ADAMTS19: variants seen among roughly 807,000 people sequenced by gnomAD.
The protein encoded by ADAMTS19 is A disintegrin and metalloproteinase with thrombospondin motifs 19.
A neutral mutation model predicts 153.3 loss-of-function variants in ADAMTS19; 93 were observed. The observed-to-expected ratio is 0.61, with a 90% confidence interval of 0.51 to 0.72. The LOEUF is 0.72. Among genes scored for constraint, ADAMTS19 ranks in the 30% least tolerant of loss-of-function variants. The pLI is 0.00. For synonymous variants in ADAMTS19, 600 were observed against 556.6 expected (o/e 1.08, Z -1.10); for missense variants, 1,482 against 1,552.1 (o/e 0.95, Z 0.76).
rs186630525 is a variant in ADAMTS19 at position 129,704,031 on chromosome 5, A to G, written c.3160-208A>G. On this transcript the variant is annotated intron_variant, in intron 20 of 22. Transcript: ENST00000274487. ...TGGCTCAGTATTTCTGAAACCACTT[A>G]TCTCCAGCATTGTGCCTTAAGCTCC... Among the ~76,000 whole-genome samples, 98 of 152,314 alleles carry G rather than the reference A, an allele frequency of 6.4e-4. 1 individual carries two copies. The highest frequency in any genetic ancestry group is 1.2e-4 in the Non-Finnish European group (8 of 68,028).
At chr5:129,623,048 CATGTAA>C (rs1395802665) in intron 10 of ADAMTS19, among the ~76,000 whole-genome samples, 1 of 151,926 alleles carries the variant, frequency 6.6e-6, no homozygotes, top group Non-Finnish European at 1.5e-5. Context: ...ATAATATGAA[CATGTAA>C]TTGTGGAGGA....
intron 16 of ADAMTS19, among the ~76,000 whole-genome samples, chr5:129,669,160 T>C (rs1754188010): frequency 6.6e-6 from 1 of 152,052 alleles, no homozygotes; most frequent in African/African-American, 2.4e-5. Flanking sequence ...GACAGTCTTT[T>C]TCTCCGGTGG....
chr5:129,640,940 T>C (rs767382600), intron 10 of ADAMTS19, among the ~76,000 whole-genome samples: 1 of 152,138 alleles, frequency 6.6e-6, no homozygotes, highest in Non-Finnish European at 1.5e-5. Context: ...TTCTCGTGCC[T>C]CAGCCTCCTG....
Position 129,551,331 on chromosome 5 carries a change from AAATAT to A in ADAMTS19, c.1329-532_1329-528del, listed in dbSNP as rs573042237. ...TTTCAGATAAAGAGTAAAAATTATA[AAATAT>A]TATACATAGATCCCATTTATGTAAA... is the stretch of plus-strand genomic sequence containing the variant. On this transcript the variant is annotated intron_variant, in intron 6 of 22. Transcript: ENST00000274487. 7.2e-5 allele frequency among the ~76,000 whole-genome samples: 11 copies of A among 151,834 alleles called. No individual in the cohort carries two copies. The South Asian group carries it at 2.3e-3, about 32-fold the overall frequency.
At chr5:129,593,179 G>A (rs1750225081) in intron 7 of ADAMTS19, among the ~76,000 whole-genome samples, 1 of 152,054 alleles carries the variant, frequency 6.6e-6, no homozygotes, top group Non-Finnish European at 1.5e-5. Flanking sequence ...CCCCACTGGT[G>A]CTTCTAAACC....
At chr5:129,676,083 A>C (rs1313330121) in intron 16 of ADAMTS19, among the ~76,000 whole-genome samples, 1 of 151,862 alleles carries the variant, frequency 6.6e-6, no homozygotes, top group Non-Finnish European at 1.5e-5. Context: ...AAATTCTGTC[A>C]TCTCTATTAT....
At chr5:129,595,713 A>G (rs1450254248) in intron 7 of ADAMTS19, among the ~76,000 whole-genome samples, 1 of 152,088 alleles carries the variant, frequency 6.6e-6, no homozygotes, top group Admixed American at 6.5e-5. Context: ...TTTTATGAGG[A>G]TATGGGAAAT....
intron 3 of ADAMTS19, among the ~76,000 whole-genome samples, chr5:129,509,934 G>T (rs1398029215): frequency 6.6e-6 from 1 of 151,772 alleles, no homozygotes; most frequent in African/African-American, 2.4e-5. Context: ...TGAGGAAAAT[G>T]AATGAATTCT....
chr5:129,484,037 A>G (rs12186944), intron 2 of ADAMTS19, among the ~76,000 whole-genome samples: 24,864 of 152,132 alleles, frequency 0.16, 2,869 homozygotes, highest in African/African-American at 0.32. Flanking sequence ...ATCTTTATCC[A>G]TAGTGAATAT....
rs769515897 is a variant in ADAMTS19, at chr5:129,654,299, T to C, written c.2177-7T>C. 1 of 1,602,942 alleles carries C rather than the reference T, an allele frequency of 6.2e-7. No individual in the cohort carries two copies. Among genetic ancestry groups the C allele is most frequent in the East Asian group, 2.2e-5 (1 of 44,832 alleles). On this transcript the variant is annotated splice_region_variant and splice_polypyrimidine_tract_variant and intron_variant, in intron 13 of 22. Transcript: ENST00000274487. ...TTCTCATTTCTTTTTATCTACTCTG[T>C]ATGTAGAAAAACCATGTGCCTTGTT...
intron 7 of ADAMTS19, among the ~76,000 whole-genome samples, chr5:129,561,861 TATCTA>T (rs1753536863): frequency 6.6e-6 from 1 of 151,668 alleles, no homozygotes; most frequent in South Asian, 2.1e-4. Flanking sequence ...TCTATCTATC[TATCTA>T]ATCTATCTGT....
intron 7 of ADAMTS19, among the ~76,000 whole-genome samples, chr5:129,568,869 T>TA (rs1753802988): frequency 6.6e-6 from 1 of 151,182 alleles, no homozygotes; most frequent in Non-Finnish European, 1.5e-5. Context: ...GAAAAAATAT[T>TA]CAAAAAAAAT....
rs1276438744 is a variant in ADAMTS19, at chr5:129,500,115, A to G, written c.748-8962A>G. Among the ~76,000 whole-genome samples, 15 of 152,128 alleles carry G rather than the reference A, an allele frequency of 9.9e-5. 1 individual carries two copies. Among genetic ancestry groups the G allele is most frequent in the Admixed American group, 9.8e-4 (15 of 15,248 alleles). ...TCAAGTATTTATTATATAATCATCA[A>G]ACTGTCAAAATTCACATAAAGTTAA... On this transcript the variant is annotated intron_variant, in intron 2 of 22. Coordinates refer to ENST00000274487, the MANE Select transcript of ADAMTS19 (RefSeq NM_133638.6).
At chr5:129,650,386 GC>G (rs1198192013) in intron 13 of ADAMTS19, among the ~76,000 whole-genome samples, 2 of 152,040 alleles carry the variant, frequency 1.3e-5, no homozygotes, top group African/African-American at 4.8e-5. Flanking sequence ...CCATTTCAGT[GC>G]CCCCATCTGA....
chr5:129,481,960 G>A (rs1038482066), intron 2 of ADAMTS19, among the ~76,000 whole-genome samples: 4 of 152,118 alleles, frequency 2.6e-5, no homozygotes, highest in Admixed American at 1.3e-4. Flanking sequence ...TAAAAAGCAT[G>A]GACATCCTTT....
chr5:129,567,591 G>A (rs2126856588), intron 7 of ADAMTS19, among the ~76,000 whole-genome samples: 1 of 152,202 alleles, frequency 6.6e-6, no homozygotes, highest in Non-Finnish European at 1.5e-5. Context: ...ATAGCGGCAT[G>A]GAGCTGACTG....
intron 21 of ADAMTS19, among the ~76,000 whole-genome samples, chr5:129,720,655 T>C (rs930445853): frequency 6.6e-6 from 1 of 152,176 alleles, no homozygotes; most frequent in Non-Finnish European, 1.5e-5. Context: ...AAAATTAGCA[T>C]GCGGGACAGT....
At chr5:129,724,040 T>C (rs1444153825) in intron 21 of ADAMTS19, among the ~76,000 whole-genome samples, 3 of 152,204 alleles carry the variant, frequency 2.0e-5, no homozygotes, top group African/African-American at 2.4e-5. Flanking sequence ...ACTGTTCTTA[T>C]GCAAGTGCAG....
intron 6 of ADAMTS19, among the ~76,000 whole-genome samples, chr5:129,535,675 C>T (rs950769635): frequency 6.6e-6 from 1 of 152,172 alleles, no homozygotes. Context: ...TACAAGGCTA[C>T]AGTAACCAAA....
Sources: allele counts gnomAD v4.1 joint callset (sites outside exome capture counted in the v4.1 genomes callset), GRCh38; gene constraint gnomAD v4.1.1; transcripts MANE v1.5; gene names NCBI Gene and HGNC (gene_info 2026-07-23, HGNC 2026-07-21).